The following ITPK1 variants were observed in gnomAD, a reference collection of about 807,000 sequenced individuals.
The protein encoded by ITPK1 is inositol-tetrakisphosphate 1-kinase.
In ITPK1, 21 loss-of-function variants were observed where a neutral mutation model predicts 45.3. That is an observed-to-expected ratio of 0.46 (90% CI 0.33 to 0.67). The LOEUF is 0.67. ITPK1 is among the 30% of genes least tolerant of loss of function. The pLI is 0.02. For synonymous variants in ITPK1, 258 were observed against 253.6 expected (o/e 1.02, Z -0.16); for missense variants, 474 against 573.5 (o/e 0.83, Z 1.77).
intron 4 of ITPK1, among the ~76,000 whole-genome samples, chr14:93,011,576 C>A (rs4900168): frequency 0.018 from 2,783 of 152,288 alleles, 67 homozygotes; most frequent in Admixed American, 0.076. Context: ...CTGAGAGGAG[C>A]CAGGAGGTGA....
At chr14:92,974,691 AG>A (rs1302050144) in intron 5 of ITPK1, among the ~76,000 whole-genome samples, 4 of 152,210 alleles carry the variant, frequency 2.6e-5, no homozygotes, top group African/African-American at 4.8e-5. Context: ...ACAAGGGAGG[AG>A]AGAAGGCACT....
At chr14:93,068,567 CAGAA>C (rs1374162538) in intron 3 of ITPK1, 2 of 152,348 alleles carry the variant, frequency 1.3e-5, no homozygotes, top group East Asian at 1.9e-4. Context: ...AGAAAATCGA[CAGAA>C]GGAAGGATGT....
chr14:92,986,439 C>A (rs891067479), intron 5 of ITPK1, among the ~76,000 whole-genome samples: 3 of 152,252 alleles, frequency 2.0e-5, no homozygotes, highest in Admixed American at 6.5e-5. Flanking sequence ...GCCAGAGTCC[C>A]AAAGACAAAC....
intron 4 of ITPK1, 84 bp from the exon 5 acceptor site, chr14:92,994,081 C>A (rs1440013080): frequency 2.1e-5 from 17 of 824,938 alleles, no homozygotes; most frequent in Non-Finnish European, 3.2e-5. Context: ...CACGTCCATC[C>A]GTTCCTGTCC....
Position 92,940,440 on chromosome 14 carries a change from A to C in ITPK1, c.*1121T>G, listed in dbSNP as rs974338531. ...GATGGGGTGAGTCTGAGGTGTGCAGAAGCGATGGGGGGCGGGTGGCTCCCT... is the reference window on the plus strand; with the variant it reads ...GATGGGGTGAGTCTGAGGTGTGCAGCAGCGATGGGGGGCGGGTGGCTCCCT... On this transcript the variant is annotated 3_prime_UTR_variant, in exon 11 of 11. Coordinates refer to ENST00000267615, the MANE Select transcript of ITPK1 (RefSeq NM_014216.6). 23 of 1,118,618 alleles carry C rather than the reference A, an allele frequency of 2.1e-5. No homozygotes were observed. The highest frequency in any genetic ancestry group is 6.7e-5 in the African/African-American group (4 of 59,960). The allele number at this position is 1,118,618 out of a possible 1,614,324, so 69.3% of individuals were successfully genotyped here. A position where few individuals can be genotyped will look rare whatever the true frequency, so the allele number is the denominator to read the frequency against.
chr14:93,107,825 G>C (rs1043749182), intron 2 of ITPK1, among the ~76,000 whole-genome samples: 2 of 152,240 alleles, frequency 1.3e-5, no homozygotes, highest in East Asian at 3.8e-4. Context: ...CAGCCCATGA[G>C]GCTCTGCTGG....
At chr14:93,050,885 A>G (rs1457777000) in intron 3 of ITPK1, among the ~76,000 whole-genome samples, 1 of 152,048 alleles carries the variant, frequency 6.6e-6, no homozygotes, top group Non-Finnish European at 1.5e-5. Flanking sequence ...TGTGCAGGCG[A>G]GTCCAATGCC....
At chr14:93,011,094 C>T (rs1267156445) in intron 4 of ITPK1, among the ~76,000 whole-genome samples, 1 of 152,226 alleles carries the variant, frequency 6.6e-6, no homozygotes, top group African/African-American at 2.4e-5. Flanking sequence ...AGGAACTATG[C>T]AGTATTGGGT....
At chr14:92,999,972 G>T (rs1407951677) in intron 4 of ITPK1, among the ~76,000 whole-genome samples, 1 of 151,942 alleles carries the variant, frequency 6.6e-6, no homozygotes, top group East Asian at 1.9e-4. Flanking sequence ...TGCCTATTCT[G>T]GGCATTTCCT....
chr14:92,979,542 G>A (rs1886109765), intron 5 of ITPK1, among the ~76,000 whole-genome samples: 1 of 152,120 alleles, frequency 6.6e-6, no homozygotes, highest in South Asian at 2.1e-4. Context: ...CTGGTGGGAG[G>A]TGATTGGATC....
chr14:93,019,529 C>T (rs1252234448), intron 3 of ITPK1, among the ~76,000 whole-genome samples: 1 of 152,228 alleles, frequency 6.6e-6, no homozygotes, highest in African/African-American at 2.4e-5. Context: ...GCTTGGGACA[C>T]ACATCAGGCC....
At chr14:93,000,648 G>A (rs1169395293) in intron 4 of ITPK1, among the ~76,000 whole-genome samples, 1 of 152,160 alleles carries the variant, frequency 6.6e-6, no homozygotes, top group Non-Finnish European at 1.5e-5. Flanking sequence ...CTCCAGAAAG[G>A]CTAGGGAGCA....
At chr14:93,068,729 A>G (rs908774011) in intron 3 of ITPK1, 1 of 152,210 alleles carries the variant, frequency 6.6e-6, no homozygotes, top group Non-Finnish European at 1.5e-5. Flanking sequence ...TGTGTTCAGC[A>G]TACCTTTTAA....
Position 92,941,914 on chromosome 14 carries a change from G to C in ITPK1, c.902-10C>G. 1 of 1,609,604 alleles carries C rather than the reference G, an allele frequency of 6.2e-7. No homozygotes were observed. Among genetic ancestry groups the C allele is most frequent in the South Asian group, 1.1e-5 (1 of 90,368 alleles). ...CTCACGCCCTCGTAGCCTGGGGGTG[G>C]GAGAGAGACAGCACAAGGGGCGTGA... On this transcript the variant is annotated splice_polypyrimidine_tract_variant and intron_variant, in intron 10 of 10. Coordinates refer to ENST00000267615, the MANE Select transcript of ITPK1 (RefSeq NM_014216.6).
rs1329066339 is a variant in ITPK1 at position 92,941,584 on chromosome 14, C to T, written c.1222G>A (p.Ala408Thr). Reference protein sequence around the residue: ...SFQQHCVASLATKASSQ With the variant: ...SFQQHCVASLTTKASSQ ...GGCTACTGGGAGGAGGCCTTGGTGG[C>T]CAGGGAGGCCACACAATGCTGCTGG... The change falls in exon 11 of 11, where the codon GCC (alanine) becomes ACC (threonine). Residue 408 changes from alanine (A) to threonine (T), a missense_variant. Ala to Thr is a moderately conservative substitution (Grantham distance 58). This residue lies in a region of ITPK1 where 107 missense variants were observed against 92.9 expected (regional missense o/e 1.15). Coordinates refer to ENST00000267615, the MANE Select transcript of ITPK1 (RefSeq NM_014216.6). 2.0e-6 allele frequency: 3 copies of T among 1,536,376 alleles called. No individual in the cohort carries two copies. Among genetic ancestry groups the T allele is most frequent in the Non-Finnish European group, 2.6e-6 (3 of 1,144,166 alleles).
chr14:92,952,723 G>A (rs530122150), intron 8 of ITPK1, among the ~76,000 whole-genome samples: 1 of 152,348 alleles, frequency 6.6e-6, no homozygotes, highest in African/African-American at 2.4e-5. Flanking sequence ...GACCCGCAGA[G>A]GCAGACCAGT....
intron 3 of ITPK1, among the ~76,000 whole-genome samples, chr14:93,028,762 A>C (rs1266248924): frequency 6.6e-6 from 1 of 152,232 alleles, no homozygotes; most frequent in Non-Finnish European, 1.5e-5. Flanking sequence ...AACGCCAAAC[A>C]GTAACCGCCT....
chr14:93,110,544 G>A (rs982711300), intron 2 of ITPK1, among the ~76,000 whole-genome samples: 1 of 152,170 alleles, frequency 6.6e-6, no homozygotes, highest in Admixed American at 6.5e-5. Context: ...GACAGGCCCG[G>A]TGGCATGCTA....
In ITPK1 at chr14:92,940,760, A is replaced by C. The variant is rs1887327108; in HGVS notation, c.*801T>G. On this transcript the variant is annotated 3_prime_UTR_variant, in exon 11 of 11. Transcript: ENST00000267615. ...AGACCTGGAATGATTTGCCCAAATC[A>C]CAGCACAAATCCTCAGCACAGGCGC... 1 of 1,289,096 alleles carries C rather than the reference A, an allele frequency of 7.8e-7. No individual in the cohort carries two copies. Among genetic ancestry groups the C allele is most frequent in the Admixed American group, 2.3e-5 (1 of 43,524 alleles). 79.9% of individuals were successfully genotyped at this position (1,289,096 alleles called of 1,614,324 possible).
Sources: allele counts gnomAD v4.1 joint callset (sites outside exome capture counted in the v4.1 genomes callset), GRCh38; gene constraint gnomAD v4.1.1; regional missense constraint gnomAD v4.1.1; transcripts MANE v1.5; gene names NCBI Gene and HGNC (gene_info 2026-07-23, HGNC 2026-07-21).